The following MEIS2 variants were observed in gnomAD, a reference collection of about 807,000 sequenced individuals.
The protein encoded by MEIS2 is Meis homeobox 2.
Under a neutral mutation model 58.6 loss-of-function variants are expected in MEIS2, and 9 were observed. That is an observed-to-expected ratio of 0.15 (90% CI 0.09 to 0.27). MEIS2 has a LOEUF of 0.27. MEIS2 is among the 10% of genes least tolerant of loss of function. MEIS2 has a pLI of 1.00. For missense variants in MEIS2, 427 were observed against 635.0 expected, an observed-to-expected ratio of 0.67 and a Z score of 3.52; for synonymous variants, 221 against 228.4, an observed-to-expected ratio of 0.97 and a Z score of 0.29.
At chr15:36,988,860 A>G (rs1403337644) in intron 8 of MEIS2, among the ~76,000 whole-genome samples, 2 of 152,222 alleles carry the variant, frequency 1.3e-5, no homozygotes, top group African/African-American at 2.4e-5. Flanking sequence ...AATATAACCA[A>G]AACTTACTTA....
At chr15:37,083,043 T>C (rs1319781397) in intron 7 of MEIS2, among the ~76,000 whole-genome samples, 2 of 152,204 alleles carry the variant, frequency 1.3e-5, no homozygotes, top group African/African-American at 4.8e-5. Flanking sequence ...TGCATCTTCC[T>C]TTAAATTATC....
At chr15:37,077,491 G>T (rs1891569677) in intron 7 of MEIS2, among the ~76,000 whole-genome samples, 2 of 151,730 alleles carry the variant, frequency 1.3e-5, no homozygotes, top group Admixed American at 1.3e-4. Flanking sequence ...TTCCCTCATG[G>T]CAGAAAGCAC....
intron 8 of MEIS2, among the ~76,000 whole-genome samples, chr15:37,026,157 A>G (rs1293921875): frequency 2.0e-5 from 3 of 152,162 alleles, no homozygotes; most frequent in South Asian, 2.1e-4. Context: ...CACCATGGGG[A>G]AAAAAAATAA....
chr15:37,030,781 C>T (rs2061886891), intron 8 of MEIS2, among the ~76,000 whole-genome samples: 1 of 151,580 alleles, frequency 6.6e-6, no homozygotes, highest in Non-Finnish European at 1.5e-5. Flanking sequence ...GCCAGGACCA[C>T]AGGCATGCAC....
Position 36,891,998 on chromosome 15 carries a change from T to A in MEIS2, c.*175A>T. The A allele has an allele frequency of 1.4e-6, 1 of 696,576 alleles. No individual in the cohort carries two copies. The highest frequency in any genetic ancestry group is 2.5e-6 in the Non-Finnish European group (1 of 405,924). 43.1% of individuals were successfully genotyped at this position (696,576 alleles called of 1,614,324 possible). A position where few individuals can be genotyped will look rare whatever the true frequency, so the allele number is the denominator to read the frequency against. ...CAGAATTGTCTCAGTCAGCCCATGA[T>A]TTCACATTTGTGTTCTTGTTGCATT... On this transcript the variant is annotated 3_prime_UTR_variant, in exon 12 of 12. Coordinates refer to ENST00000561208, the MANE Select transcript of MEIS2 (RefSeq NM_170675.5).
At chr15:36,979,880 T>C (rs2059877271) in intron 8 of MEIS2, among the ~76,000 whole-genome samples, 1 of 145,358 alleles carries the variant, frequency 6.9e-6, no homozygotes, top group African/African-American at 2.5e-5. Flanking sequence ...AATAAATATA[T>C]ATAATAACAC....
intron 8 of MEIS2, among the ~76,000 whole-genome samples, chr15:36,969,982 T>A (rs762593796): frequency 6.6e-6 from 1 of 152,182 alleles, no homozygotes; most frequent in Admixed American, 6.5e-5. Flanking sequence ...TTCATTTACT[T>A]TTTATAGCTG....
chr15:37,013,137 G>C (rs1240978355), intron 8 of MEIS2, among the ~76,000 whole-genome samples: 1 of 152,188 alleles, frequency 6.6e-6, no homozygotes, highest in African/African-American at 2.4e-5. Flanking sequence ...TGGAGTCCAG[G>C]AGAATCCTTC....
At chr15:36,898,922 T>C (rs2056326583) in intron 9 of MEIS2, among the ~76,000 whole-genome samples, 1 of 152,222 alleles carries the variant, frequency 6.6e-6, no homozygotes, top group Non-Finnish European at 1.5e-5. Context: ...CAGTATAACA[T>C]TTTCAACTAG....
intron 9 of MEIS2, among the ~76,000 whole-genome samples, chr15:36,913,663 A>G (rs185787391): frequency 2.3e-4 from 35 of 152,258 alleles, no homozygotes; most frequent in African/African-American, 8.2e-4. Context: ...ATTTACACAC[A>G]TATGCACCTA....
rs191647092 is a variant in MEIS2 at position 37,061,476 on chromosome 15, G to T, written c.754+22295C>A. ...ATTTATAAAATATCTTTAACATATA[G>T]GTCTTTAGGGTAAAATCACCAAACT... On this transcript the variant is annotated intron_variant, in intron 7 of 11. Coordinates refer to ENST00000561208, the MANE Select transcript of MEIS2 (RefSeq NM_170675.5). Among the ~76,000 whole-genome samples, 356 of 152,226 alleles carry T rather than the reference G, an allele frequency of 2.3e-3. 2 individuals are homozygous for T. The highest frequency in any genetic ancestry group is 4.3e-3 in the Non-Finnish European group (290 of 68,020).
At chr15:37,080,369 G>A (rs148453641) in intron 7 of MEIS2, among the ~76,000 whole-genome samples, 26 of 152,024 alleles carry the variant, frequency 1.7e-4, no homozygotes, top group Non-Finnish European at 3.5e-4. Flanking sequence ...AACACTGAGG[G>A]GTCTATTCTC....
intron 9 of MEIS2, among the ~76,000 whole-genome samples, chr15:36,930,170 TC>T (rs1197878054): frequency 6.0e-5 from 8 of 134,282 alleles, no homozygotes; most frequent in African/African-American, 2.3e-4. Context: ...ACCACTGTAC[TC>T]CAGCCTGGGT....
At chr15:37,075,120 T>G (rs1484645608) in intron 7 of MEIS2, among the ~76,000 whole-genome samples, 2 of 151,948 alleles carry the variant, frequency 1.3e-5, no homozygotes, top group East Asian at 1.9e-4. Flanking sequence ...GCAAAATGGA[T>G]CCTGAGTCCA....
intron 8 of MEIS2, among the ~76,000 whole-genome samples, chr15:37,010,271 T>C (rs1052173584): frequency 6.6e-6 from 1 of 152,096 alleles, no homozygotes; most frequent in Non-Finnish European, 1.5e-5. Flanking sequence ...GTATTTTTAG[T>C]AGAGACGGGG....
chr15:36,949,539 G>A (rs915699818), intron 9 of MEIS2, among the ~76,000 whole-genome samples: 2 of 151,976 alleles, frequency 1.3e-5, no homozygotes, highest in African/African-American at 4.8e-5. Context: ...AATTAAGTTT[G>A]TATAAGGCCT....
rs1420358793 is a variant in MEIS2, at chr15:36,948,320, G to A, written c.977+2004C>T. Among the ~76,000 whole-genome samples, 3 of 151,822 alleles carry A rather than the reference G, an allele frequency of 2.0e-5. No homozygotes were observed. In the East Asian group the frequency reaches 5.8e-4, roughly 29 times the overall value. On this transcript the variant is annotated intron_variant, in intron 9 of 11. Transcript: ENST00000561208. ...ACTGAACTCCGTGTATATGCCTTGGGGCTCAATGGAATTCAGAAAGGAAGG... is the reference window on the plus strand; with the variant it reads ...ACTGAACTCCGTGTATATGCCTTGGAGCTCAATGGAATTCAGAAAGGAAGG...
At chr15:37,078,916 T>C (rs912007840) in intron 7 of MEIS2, among the ~76,000 whole-genome samples, 6 of 152,012 alleles carry the variant, frequency 3.9e-5, no homozygotes, top group African/African-American at 1.2e-4. Flanking sequence ...AGTTGATACA[T>C]ATAGGAAGAA....
At chr15:37,045,696 C>A (rs2062634520) in intron 7 of MEIS2, among the ~76,000 whole-genome samples, 1 of 152,110 alleles carries the variant, frequency 6.6e-6, no homozygotes, top group African/African-American at 2.4e-5. Context: ...TTACTGATCT[C>A]TTTTACTCTC....
Sources: gnomAD v4.1 joint callset for allele counts (sites outside exome capture counted in the v4.1 genomes callset) on GRCh38, gnomAD v4.1.1 for gene constraint, MANE v1.5 for transcripts, NCBI Gene and HGNC (gene_info 2026-07-23, HGNC 2026-07-21) for gene names.